The following MDGA2 variants were observed in gnomAD, a reference collection of about 807,000 sequenced individuals.
MDGA2 encodes the protein MAM domain-containing glycosylphosphatidylinositol anchor protein 2.
MDGA2 carries 40 observed loss-of-function variants against 117.8 expected under a neutral mutation model. The observed-to-expected ratio is 0.34, with a 90% confidence interval of 0.26 to 0.44. MDGA2 has a LOEUF of 0.44. Among genes scored for constraint, MDGA2 ranks in the 20% least tolerant of loss-of-function variants. MDGA2 has a pLI of 1.00. For missense variants in MDGA2, 1,123 were observed against 1,250.6 expected (o/e 0.90, Z 1.54); for synonymous variants, 452 against 439.0 (o/e 1.03, Z -0.37).
At chr14:47,285,809 C>G (rs1888651630) in intron 2 of MDGA2, among the ~76,000 whole-genome samples, 1 of 151,994 alleles carries the variant, frequency 6.6e-6, no homozygotes, top group African/African-American at 2.4e-5. Context: ...AGGTAAATAG[C>G]AGAAGCACAG....
chr14:46,864,438 C>T (rs972967886), intron 14 of MDGA2, among the ~76,000 whole-genome samples: 2 of 149,356 alleles, frequency 1.3e-5, no homozygotes, highest in Non-Finnish European at 3.0e-5. Flanking sequence ...TCCTATAAGT[C>T]TGGTTTTTAT....
intron 1 of MDGA2, among the ~76,000 whole-genome samples, chr14:47,526,816 C>T (rs1337996067): frequency 6.6e-6 from 1 of 152,164 alleles, no homozygotes; most frequent in African/African-American, 2.4e-5. Context: ...ACTTCCTCCT[C>T]AGGCTCTCTT....
chr14:47,362,571 A>C (rs567629880), intron 1 of MDGA2, among the ~76,000 whole-genome samples: 60 of 152,250 alleles, frequency 3.9e-4, no homozygotes, highest in African/African-American at 1.4e-3. Flanking sequence ...TATTTTCACC[A>C]CATTGCATTT....
intron 1 of MDGA2, among the ~76,000 whole-genome samples, chr14:47,329,083 G>A (rs1231404425): frequency 1.3e-5 from 2 of 151,952 alleles, no homozygotes; most frequent in East Asian, 1.9e-4. Context: ...TATAAACTAG[G>A]GGGAAAATTC....
At chr14:47,662,675 G>A (rs537064678) in intron 1 of MDGA2, among the ~76,000 whole-genome samples, 140 of 152,260 alleles carry the variant, frequency 9.2e-4, no homozygotes, top group Non-Finnish European at 1.2e-3. Flanking sequence ...TGATAGTGAG[G>A]CACAGGAAAT....
intron 6 of MDGA2, among the ~76,000 whole-genome samples, chr14:47,067,832 T>TA (rs1890139651): frequency 6.6e-6 from 1 of 152,222 alleles, no homozygotes; most frequent in Admixed American, 6.5e-5. Flanking sequence ...TATGCAGTGT[T>TA]AGTCTTAAAA....
chr14:47,010,094 C>T (rs1479123842), intron 8 of MDGA2, among the ~76,000 whole-genome samples: 1 of 152,004 alleles, frequency 6.6e-6, no homozygotes, highest in East Asian at 1.9e-4. Context: ...CTTGTAACAT[C>T]AAGTCCCTGT....
chr14:46,931,964 G>A (rs945833761), intron 9 of MDGA2, among the ~76,000 whole-genome samples: 1 of 151,670 alleles, frequency 6.6e-6, no homozygotes, highest in Non-Finnish European at 1.5e-5. Context: ...AAATATCGAT[G>A]GAATAACAAT....
At chr14:47,131,518 T>C (rs1278464260) in intron 5 of MDGA2, among the ~76,000 whole-genome samples, 196 bp downstream of exon 5, 2 of 152,014 alleles carry the variant, frequency 1.3e-5, no homozygotes, top group Admixed American at 1.3e-4. Context: ...GTAAACATAT[T>C]ACATGGAGTA....
At chr14:47,626,158 A>G (rs917443111) in intron 1 of MDGA2, among the ~76,000 whole-genome samples, 6 of 152,212 alleles carry the variant, frequency 3.9e-5, no homozygotes, top group African/African-American at 1.4e-4. Flanking sequence ...TCTATCTATC[A>G]ACAATCTAGG....
rs1030701764 is a variant in MDGA2 at position 46,841,149 on chromosome 14, T to C, written c.*782A>G. 1.3e-5 allele frequency: 2 copies of C among 152,548 alleles called. No homozygotes were observed. Among genetic ancestry groups the C allele is most frequent in the Admixed American group, 1.3e-4 (2 of 15,240 alleles). The allele number at this position is 152,548 out of a possible 1,614,324, so 9.4% of individuals were successfully genotyped here. On this transcript the variant is annotated 3_prime_UTR_variant, in exon 17 of 17. Coordinates refer to ENST00000399232, the MANE Select transcript of MDGA2 (RefSeq NM_001113498.3). ...ATGGCAATTTATAAAAGATGGTGGTTTGGTTTCTTCATTGGAACAGATGAC... is the reference window on the plus strand; with the variant it reads ...ATGGCAATTTATAAAAGATGGTGGTCTGGTTTCTTCATTGGAACAGATGAC...
At chr14:47,599,825 G>A (rs1183565347) in intron 1 of MDGA2, among the ~76,000 whole-genome samples, 1 of 152,052 alleles carries the variant, frequency 6.6e-6, no homozygotes, top group African/African-American at 2.4e-5. Context: ...CTGTGTCATC[G>A]TCCCTTCAAC....
At chr14:47,639,597 AC>A (rs1377581148) in intron 1 of MDGA2, among the ~76,000 whole-genome samples, 2 of 152,222 alleles carry the variant, frequency 1.3e-5, no homozygotes, top group Non-Finnish European at 2.9e-5. Flanking sequence ...GGCACAGATA[AC>A]CTCTTAGATT....
chr14:47,629,095 T>C (rs1266474962), intron 1 of MDGA2, among the ~76,000 whole-genome samples: 2 of 152,050 alleles, frequency 1.3e-5, no homozygotes, highest in African/African-American at 4.8e-5. Flanking sequence ...CTAACCTCCA[T>C]CTCAGGGCCC....
In MDGA2 at chr14:47,023,026, T is replaced by A. The variant is rs536840044; in HGVS notation, c.1819+11985A>T. Among the ~76,000 whole-genome samples the A allele has an allele frequency of 2.0e-5, 3 of 152,016 alleles. No individual in the cohort carries two copies. The South Asian group carries it at 6.2e-4, about 32-fold the overall frequency. On this transcript the variant is annotated intron_variant, in intron 8 of 16. Coordinates refer to ENST00000399232, the MANE Select transcript of MDGA2 (RefSeq NM_001113498.3). ...CTGGGTGAGAGACAAAGGGGCAAGC[T>A]TTTTCAGGTGGACTGGAAATGAGAA...
At chr14:46,877,466 T>C in intron 12 of MDGA2, 23 bp downstream of exon 12, 1 of 1,345,448 alleles carries the variant, frequency 7.4e-7, no homozygotes, top group Non-Finnish European at 1.0e-6. Context: ...ATAGTGCCAT[T>C]TTGTAAGTTA....
chr14:47,644,429 G>A (rs1306347681), intron 1 of MDGA2, among the ~76,000 whole-genome samples: 1 of 152,154 alleles, frequency 6.6e-6, no homozygotes, highest in East Asian at 1.9e-4. Flanking sequence ...GGATGAATCT[G>A]TAGGACATGA....
intron 1 of MDGA2, among the ~76,000 whole-genome samples, chr14:47,606,309 C>G (rs1334135888): frequency 6.6e-6 from 1 of 152,128 alleles, no homozygotes; most frequent in Non-Finnish European, 1.5e-5. Flanking sequence ...TAATTTCTTC[C>G]TGACACATAA....
chr14:47,387,090 G>A (rs1891776624), intron 1 of MDGA2, among the ~76,000 whole-genome samples: 1 of 152,188 alleles, frequency 6.6e-6, no homozygotes, highest in African/African-American at 2.4e-5. Flanking sequence ...GTTATCTTCA[G>A]AGGGTATGAC....
Sources: gnomAD v4.1 joint callset for allele counts (sites outside exome capture counted in the v4.1 genomes callset) on GRCh38, gnomAD v4.1.1 for gene constraint, MANE v1.5 for transcripts, NCBI Gene and HGNC (gene_info 2026-07-23, HGNC 2026-07-21) for gene names.